ERC2: variants seen among roughly 807,000 people sequenced by gnomAD.
The protein encoded by ERC2 is ERC protein 2.
ERC2 carries 42 observed loss-of-function variants against 114.8 expected under a neutral mutation model. That is an observed-to-expected ratio of 0.37 (90% confidence interval 0.29 to 0.47). The LOEUF (loss-of-function observed/expected upper bound fraction) is 0.47. Ranked by LOEUF, ERC2 falls within the 20% of genes least tolerant of loss-of-function variation. ERC2 has a pLI of 0.99. For missense variants in ERC2, 939 were observed against 1,150.7 expected (o/e 0.82, Z 2.66); for synonymous variants, 454 against 425.5 (o/e 1.07, Z -0.82).
intron 6 of ERC2, among the ~76,000 whole-genome samples, chr3:56,083,397 A>C (rs539134576): frequency 6.6e-6 from 1 of 152,302 alleles, no homozygotes; most frequent in African/African-American, 2.4e-5. Context: ...CTGGGGTGGA[A>C]GCTGGGAAGG....
At chr3:56,257,881 G>A (rs1376646282) in intron 3 of ERC2, among the ~76,000 whole-genome samples, 4 of 152,150 alleles carry the variant, frequency 2.6e-5, no homozygotes, top group Non-Finnish European at 5.9e-5. Context: ...TTTTAGGTTG[G>A]AGACATCATG....
chr3:55,895,026 C>T (rs1047235992), intron 13 of ERC2, among the ~76,000 whole-genome samples: 1 of 152,254 alleles, frequency 6.6e-6, no homozygotes, highest in Non-Finnish European at 1.5e-5. Flanking sequence ...TCAAAACTGC[C>T]CATTCTTTAA....
At chr3:56,201,369 G>C (rs1006569650) in intron 3 of ERC2, among the ~76,000 whole-genome samples, 1 of 152,174 alleles carries the variant, frequency 6.6e-6, no homozygotes, top group South Asian at 2.1e-4. Context: ...AACATATGAT[G>C]GAGCCCTTCT....
chr3:55,884,512 A>T (rs1366353257), intron 14 of ERC2, among the ~76,000 whole-genome samples: 1 of 152,124 alleles, frequency 6.6e-6, no homozygotes, highest in Admixed American at 6.5e-5. Flanking sequence ...ACAAATATCT[A>T]TCTTTGGATG....
rs552811620 is a variant in ERC2 at position 55,640,367 on chromosome 3, G to A, written c.*39+43427C>T. ...GCCTTCTCTGCCACACCTTTCTAAC[G>A]ATCCTACCTTATGCACAGCCCTGGA... On this transcript the variant is annotated intron_variant, in intron 17 of 17. Coordinates refer to ENST00000288221, the MANE Select transcript of ERC2 (RefSeq NM_015576.3). Among the ~76,000 whole-genome samples the A allele has an allele frequency of 2.6e-4, 39 of 152,176 alleles. No individual in the cohort carries two copies. In the South Asian group the frequency reaches 5.4e-3, roughly 21 times the overall value.
chr3:55,661,832 A>T (rs559175370), intron 17 of ERC2, among the ~76,000 whole-genome samples: 36 of 146,546 alleles, frequency 2.5e-4, no homozygotes, highest in African/African-American at 8.2e-4. Flanking sequence ...AAGGTTATTT[A>T]AAAAAAAAAA....
At chr3:55,911,609 GGA>G (rs1043844431) in intron 13 of ERC2, among the ~76,000 whole-genome samples, 2 of 152,170 alleles carry the variant, frequency 1.3e-5, no homozygotes, top group African/African-American at 2.4e-5. Flanking sequence ...CATATTGCTT[GGA>G]GGACCACCAA....
chr3:55,676,634 CA>C (rs63208360), intron 17 of ERC2, among the ~76,000 whole-genome samples: 142,443 of 152,026 alleles, frequency 0.94, 66,757 homozygotes, highest in East Asian at 1. Flanking sequence ...TCTCTGACCT[CA>C]ACTAGTGTTT....
chr3:55,898,988 C>T (rs2063981049), intron 13 of ERC2, among the ~76,000 whole-genome samples: 1 of 152,220 alleles, frequency 6.6e-6, no homozygotes, highest in Non-Finnish European at 1.5e-5. Context: ...CCACTAACTA[C>T]ATGCGGCACT....
chr3:55,918,414 TG>T (rs2065228323), intron 13 of ERC2, among the ~76,000 whole-genome samples: 1 of 152,100 alleles, frequency 6.6e-6, no homozygotes, highest in Admixed American at 6.6e-5. Flanking sequence ...GGGAATAAAT[TG>T]GTAAAACTAC....
chr3:56,063,994 C>T (rs1252739722), intron 7 of ERC2, among the ~76,000 whole-genome samples: 1 of 152,132 alleles, frequency 6.6e-6, no homozygotes, highest in African/African-American at 2.4e-5. Flanking sequence ...TTTAGTTACT[C>T]CTCCACTTGG....
chr3:56,260,555 G>C (rs2052848482), intron 3 of ERC2, among the ~76,000 whole-genome samples: 1 of 152,148 alleles, frequency 6.6e-6, no homozygotes, highest in African/African-American at 2.4e-5. Context: ...CCAGCTCTGG[G>C]GACAAGCACT....
intron 3 of ERC2, among the ~76,000 whole-genome samples, chr3:56,178,818 C>T (rs944820316): frequency 5.9e-5 from 9 of 151,582 alleles, no homozygotes; most frequent in Admixed American, 4.6e-4. Flanking sequence ...TAAACCACAT[C>T]GTTATAAATG....
At chr3:55,588,333 G>A (rs929233842) in intron 17 of ERC2, among the ~76,000 whole-genome samples, 1 of 152,022 alleles carries the variant, frequency 6.6e-6, no homozygotes, top group Admixed American at 6.5e-5. Flanking sequence ...GTGATGTGGA[G>A]TGCATCAGTT....
chr3:55,522,796 A>C (rs1325495782), intron 17 of ERC2, among the ~76,000 whole-genome samples: 1 of 152,130 alleles, frequency 6.6e-6, no homozygotes, highest in Non-Finnish European at 1.5e-5. Context: ...TAACTGGGAG[A>C]GCTGTAACAA....
chr3:56,258,386 G>A (rs367694394), intron 3 of ERC2, among the ~76,000 whole-genome samples: 18 of 152,196 alleles, frequency 1.2e-4, no homozygotes, highest in African/African-American at 4.1e-4. Context: ...GGCCGGGCGC[G>A]GTGGCTCACG....
intron 3 of ERC2, among the ~76,000 whole-genome samples, chr3:56,263,747 C>A (rs972415911): frequency 6.6e-6 from 1 of 152,092 alleles, no homozygotes; most frequent in African/African-American, 2.4e-5. Context: ...AAAGAATTAA[C>A]AACAATTCTT....
At chr3:55,817,845 T>C (rs1190978746) in intron 14 of ERC2, among the ~76,000 whole-genome samples, 1 of 152,230 alleles carries the variant, frequency 6.6e-6, no homozygotes, top group African/African-American at 2.4e-5. Context: ...AATGTTAGTC[T>C]CATTATCACC....
At chr3:55,517,302 G>A (rs988541989) in intron 17 of ERC2, among the ~76,000 whole-genome samples, 13 of 151,888 alleles carry the variant, frequency 8.6e-5, no homozygotes, top group South Asian at 2.1e-4. Flanking sequence ...TTAGCCAGGC[G>A]TAATGGCGGG....
Sources: allele counts gnomAD v4.1 joint callset (sites outside exome capture counted in the v4.1 genomes callset), GRCh38; gene constraint gnomAD v4.1.1; transcripts MANE v1.5; gene names NCBI Gene and HGNC (gene_info 2026-07-23, HGNC 2026-07-21).